The following SCG5 variants were observed in gnomAD, a reference collection of about 807,000 sequenced individuals.
The protein encoded by SCG5 is neuroendocrine protein 7B2.
A neutral mutation model predicts 25.7 loss-of-function variants in SCG5; 18 were observed. That is an observed-to-expected ratio of 0.70 (90% CI 0.48 to 1.04). The LOEUF (loss-of-function observed/expected upper bound fraction) is 1.04. Ranked by LOEUF, SCG5 falls within the 50% of genes least tolerant of loss-of-function variation. SCG5 has a pLI of 0.00. For missense variants in SCG5, 206 were observed against 259.8 expected (o/e 0.79, Z 1.42); for synonymous variants, 101 against 91.7 (o/e 1.10, Z -0.58).
At chr15:32,676,036 T>C (rs190309883) in intron 2 of SCG5, among the ~76,000 whole-genome samples, 4 of 152,364 alleles carry the variant, frequency 2.6e-5, no homozygotes, top group Non-Finnish European at 5.9e-5. Flanking sequence ...CTAAATATTA[T>C]AATGAACCAG....
chr15:32,696,732 G>A lies in SCG5; in HGVS notation c.*123G>A, dbSNP rs537481907. The A allele has an allele frequency of 6.2e-6, 4 of 647,186 alleles. No homozygotes were observed. Among genetic ancestry groups the A allele is most frequent in the East Asian group, 2.8e-5 (1 of 36,320 alleles). 40.1% of individuals were successfully genotyped at this position (647,186 alleles called of 1,614,324 possible). A position where few individuals can be genotyped will look rare whatever the true frequency, so the allele number is the denominator to read the frequency against. ...TTACATAGATAATTATGGATACAAA[G>A]CAGCTGTATGTAGATAGTGTATTGT... On this transcript the variant is annotated 3_prime_UTR_variant, in exon 6 of 6. Transcript: ENST00000300175.
chr15:32,681,240 T>G (rs1427873932), intron 3 of SCG5, among the ~76,000 whole-genome samples: 1 of 152,170 alleles, frequency 6.6e-6, no homozygotes, highest in Non-Finnish European at 1.5e-5. Context: ...CACTTTTTAC[T>G]ATTGCTTTCA....
chr15:32,642,319 T>C (rs1320253705), intron 1 of SCG5, among the ~76,000 whole-genome samples: 1 of 151,784 alleles, frequency 6.6e-6, no homozygotes, highest in Non-Finnish European at 1.5e-5. Flanking sequence ...ATCCTAGCGC[T>C]TTGGGAGGCT....
intron 2 of SCG5, among the ~76,000 whole-genome samples, chr15:32,668,108 C>T (rs1047523502): frequency 6.6e-5 from 10 of 152,170 alleles, no homozygotes; most frequent in African/African-American, 1.7e-4. Context: ...GTCTGGGCCC[C>T]TCCCCAACGT....
chr15:32,644,851 GTC>G (rs979696276), intron 2 of SCG5, among the ~76,000 whole-genome samples: 4 of 152,212 alleles, frequency 2.6e-5, no homozygotes, highest in Non-Finnish European at 1.5e-5. Context: ...TTTTGCCAGA[GTC>G]TGTGATTTTC....
At chr15:32,673,965 C>T (rs1359119842) in intron 2 of SCG5, among the ~76,000 whole-genome samples, 1 of 152,118 alleles carries the variant, frequency 6.6e-6, no homozygotes, top group African/African-American at 2.4e-5. Flanking sequence ...GTGATCCACC[C>T]GCCTCTGCCT....
rs938035666 is a variant in SCG5, at chr15:32,680,126, C to A, written c.376+211C>A. 2.0e-5 allele frequency among the ~76,000 whole-genome samples: 3 copies of A among 151,698 alleles called. No homozygotes were observed. In the South Asian group the frequency reaches 6.3e-4, roughly 32 times the overall value. ...ACACCCACATAGGATTTTCCCTTGCCAAGGCTTTACTTTCTTTCTGTGTCT... is the reference window on the plus strand; with the variant it reads ...ACACCCACATAGGATTTTCCCTTGCAAAGGCTTTACTTTCTTTCTGTGTCT... On this transcript the variant is annotated intron_variant, in intron 3 of 5. Coordinates refer to ENST00000300175, the MANE Select transcript of SCG5 (RefSeq NM_001144757.3).
intron 5 of SCG5, among the ~76,000 whole-genome samples, chr15:32,695,478 A>G (rs922354584): frequency 2.0e-5 from 3 of 152,164 alleles, no homozygotes; most frequent in Admixed American, 6.5e-5. Flanking sequence ...GTATTAGAGA[A>G]GGAATGGAAA....
At chr15:32,670,020 G>A (rs903009168) in intron 2 of SCG5, among the ~76,000 whole-genome samples, 1 of 152,228 alleles carries the variant, frequency 6.6e-6, no homozygotes, top group Non-Finnish European at 1.5e-5. Context: ...AGCTACAAAT[G>A]CAGTGCACTC....
chr15:32,668,288 T>A (rs1277273551), intron 2 of SCG5, among the ~76,000 whole-genome samples: 1 of 152,234 alleles, frequency 6.6e-6, no homozygotes, highest in African/African-American at 2.4e-5. Context: ...CACTTATGGA[T>A]TTACAGCAGC....
intron 5 of SCG5, among the ~76,000 whole-genome samples, chr15:32,695,319 CTTCT>C (rs2054938595): frequency 6.6e-6 from 1 of 152,148 alleles, no homozygotes; most frequent in South Asian, 2.1e-4. Context: ...CTGGCTACAG[CTTCT>C]TTCTTATATT....
At chr15:32,693,474 C>T (rs548787240) in intron 5 of SCG5, among the ~76,000 whole-genome samples, 46 of 152,282 alleles carry the variant, frequency 3.0e-4, no homozygotes, top group African/African-American at 1.1e-3. Context: ...AACCATGGGC[C>T]TCTCTGGATT....
intron 2 of SCG5, among the ~76,000 whole-genome samples, chr15:32,661,869 A>G (rs2054225479): frequency 6.6e-6 from 1 of 152,182 alleles, no homozygotes; most frequent in Admixed American, 6.5e-5. Flanking sequence ...ATTGTTTAGA[A>G]TCGTACCACC....
chr15:32,695,627 T>A (rs752423149), intron 5 of SCG5, among the ~76,000 whole-genome samples: 22 of 152,062 alleles, frequency 1.4e-4, no homozygotes, highest in Non-Finnish European at 2.9e-4. Context: ...GTGGAAATGA[T>A]CACTCGAGCC....
At chr15:32,687,493 C>G (rs200383570) in intron 4 of SCG5, among the ~76,000 whole-genome samples, 30 of 152,150 alleles carry the variant, frequency 2.0e-4, no homozygotes, top group Non-Finnish European at 4.1e-4. Context: ...AACATTGTTT[C>G]CTTGGTTTTC....
At chr15:32,683,720 C>T (rs2054655598) in intron 3 of SCG5, among the ~76,000 whole-genome samples, 1 of 152,248 alleles carries the variant, frequency 6.6e-6, no homozygotes, top group Middle Eastern at 3.2e-3. Context: ...GGAACTAAGC[C>T]TATCTATATC....
chr15:32,674,900 A>G (rs2054504145), intron 2 of SCG5, among the ~76,000 whole-genome samples: 1 of 152,188 alleles, frequency 6.6e-6, no homozygotes, highest in South Asian at 2.1e-4. Flanking sequence ...CAGGCCAAGA[A>G]AGAGATTTAA....
intron 2 of SCG5, among the ~76,000 whole-genome samples, chr15:32,663,960 T>C (rs1370141450): frequency 6.6e-6 from 1 of 152,006 alleles, no homozygotes; most frequent in African/African-American, 2.4e-5. Context: ...ACCAATGATA[T>C]TAGCCTTGTT....
intron 2 of SCG5, among the ~76,000 whole-genome samples, chr15:32,672,606 C>T (rs2054450207): frequency 6.9e-6 from 1 of 145,886 alleles, no homozygotes; most frequent in Non-Finnish European, 1.5e-5. Context: ...CCAGGTACCC[C>T]GACAGGTCAT....
Sources: gnomAD v4.1 joint callset for allele counts (sites outside exome capture counted in the v4.1 genomes callset) on GRCh38, gnomAD v4.1.1 for gene constraint, MANE v1.5 for transcripts, NCBI Gene and HGNC (gene_info 2026-07-23, HGNC 2026-07-21) for gene names.